The following EXT1 variants were observed in gnomAD, a reference collection of about 807,000 sequenced individuals.
EXT1 encodes the protein exostosin glycosyltransferase 1, also known as exostosin-1.
A neutral mutation model predicts 82.5 loss-of-function variants in EXT1; 20 were observed. The ratio of observed to expected loss-of-function variants is 0.24; its 90% CI spans 0.17 to 0.35. The LOEUF is 0.35. Ranked by LOEUF, EXT1 falls within the 10% of genes least tolerant of loss-of-function variation. EXT1 has a pLI of 1.00. For missense variants in EXT1, 757 were observed against 936.5 expected (o/e 0.81, Z 2.50); for synonymous variants, 348 against 350.8 (o/e 0.99, Z 0.09).
intron 1 of EXT1, among the ~76,000 whole-genome samples, chr8:117,890,583 A>G (rs1405408587): frequency 2.0e-5 from 3 of 152,236 alleles, no homozygotes; most frequent in African/African-American, 7.2e-5. Context: ...TGAGAGTTCA[A>G]TAAAGATGAA....
At chr8:118,109,039 G>A (rs1266973770) in intron 1 of EXT1, among the ~76,000 whole-genome samples, 1 of 152,142 alleles carries the variant, frequency 6.6e-6, no homozygotes, top group African/African-American at 2.4e-5. Flanking sequence ...GTGAGAGTCT[G>A]GGCGGCAACC....
At chr8:118,015,444 A>G (rs1815983350) in intron 1 of EXT1, among the ~76,000 whole-genome samples, 1 of 152,270 alleles carries the variant, frequency 6.6e-6, no homozygotes, top group South Asian at 2.1e-4. Context: ...TCCACGATCT[A>G]AAGTTTCTAA....
chr8:117,848,631 G>C (rs573416891), intron 1 of EXT1, among the ~76,000 whole-genome samples: 1 of 152,266 alleles, frequency 6.6e-6, no homozygotes, highest in East Asian at 1.9e-4. Flanking sequence ...AGCACTCTGA[G>C]CACTGGGACG....
intron 1 of EXT1, among the ~76,000 whole-genome samples, chr8:117,867,260 G>GAAAAAAAAAAAAAAAAAAAAAAA (rs372575361): frequency 1.5e-4 from 15 of 98,894 alleles, no homozygotes; most frequent in African/African-American, 5.7e-4. Context: ...CTCCACCTCA[G>GAAAAAAAAAAAAAAAAAAAAAAA]AAAAAAAAAA....
chr8:117,894,688 C>T (rs1036442135), intron 1 of EXT1, among the ~76,000 whole-genome samples: 1 of 152,134 alleles, frequency 6.6e-6, no homozygotes, highest in Non-Finnish European at 1.5e-5. Flanking sequence ...CACAACCAGG[C>T]CCTGTTTAAA....
At position 117,830,369 on chromosome 8, in the gene EXT1, C is replaced by A. The variant is rs1563573766; in HGVS notation, c.1165-20G>T. ...AGGAATCTGTAACACAAGGTGAACA[C>A]ATAGGAATTATAACTGTAAAACAAA... On this transcript the variant is annotated intron_variant, in intron 3 of 10. Coordinates refer to ENST00000378204, the MANE Select transcript of EXT1 (RefSeq NM_000127.3). 2 of 1,613,246 alleles carry A rather than the reference C, an allele frequency of 1.2e-6. No homozygotes were observed. Among genetic ancestry groups the A allele is most frequent in the South Asian group, 2.2e-5 (2 of 91,036 alleles).
intron 1 of EXT1, among the ~76,000 whole-genome samples, chr8:117,853,316 G>A (rs932280182): frequency 6.6e-6 from 1 of 152,134 alleles, no homozygotes; most frequent in African/African-American, 2.4e-5. Flanking sequence ...AGGCTGAGGA[G>A]GGCAGATCAT....
intron 1 of EXT1, among the ~76,000 whole-genome samples, chr8:118,041,020 G>A (rs1022293787): frequency 6.6e-6 from 1 of 152,030 alleles, no homozygotes; most frequent in African/African-American, 2.4e-5. Flanking sequence ...AATTAGGAGA[G>A]GTTAATACAC....
At chr8:118,052,255 A>C (rs764106512) in intron 1 of EXT1, among the ~76,000 whole-genome samples, 12 of 152,240 alleles carry the variant, frequency 7.9e-5, no homozygotes, top group Non-Finnish European at 1.3e-4. Flanking sequence ...TGAAATGTTT[A>C]GGAAAGACTG....
intron 7 of EXT1, among the ~76,000 whole-genome samples, chr8:117,814,662 C>T (rs956004571): frequency 6.6e-6 from 1 of 152,084 alleles, no homozygotes; most frequent in Non-Finnish European, 1.5e-5. Context: ...TGCTCATCAC[C>T]TTCTTCCAGA....
At position 117,983,970 on chromosome 8, in the gene EXT1, T is replaced by C. The variant is rs545520901; in HGVS notation, c.962+126115A>G. ...AAACTCACAAACCCACTATTTACGA[T>C]GCAACAAATATTGACTGAGCCCCCA... On this transcript the variant is annotated intron_variant, in intron 1 of 10. Transcript: ENST00000378204. Among the ~76,000 whole-genome samples, 18 of 152,230 alleles carry C rather than the reference T, an allele frequency of 1.2e-4. No individual in the cohort carries two copies. In the South Asian group the frequency reaches 1.7e-3, roughly 14 times the overall value.
At chr8:117,869,665 A>C (rs1336710752) in intron 1 of EXT1, among the ~76,000 whole-genome samples, 1 of 152,208 alleles carries the variant, frequency 6.6e-6, no homozygotes, top group African/African-American at 2.4e-5. Flanking sequence ...CAAACGCAAT[A>C]ATCTCTAGCA....
chr8:117,909,819 G>C (rs1357851191), intron 1 of EXT1, among the ~76,000 whole-genome samples: 1 of 152,130 alleles, frequency 6.6e-6, no homozygotes, highest in African/African-American at 2.4e-5. Context: ...CCAGATGGGA[G>C]TACAATGGTG....
At chr8:117,890,868 A>T (rs1813230658) in intron 1 of EXT1, among the ~76,000 whole-genome samples, 1 of 152,278 alleles carries the variant, frequency 6.6e-6, no homozygotes, top group Middle Eastern at 3.4e-3. Context: ...CTACTACAAT[A>T]ACTATCACCG....
chr8:117,908,211 T>C (rs1813577602), intron 1 of EXT1, among the ~76,000 whole-genome samples: 2 of 152,192 alleles, frequency 1.3e-5, no homozygotes, highest in Admixed American at 1.3e-4. Context: ...ATGATATATG[T>C]TCCCTCAAAA....
chr8:118,074,604 T>A (rs1006517375), intron 1 of EXT1, among the ~76,000 whole-genome samples: 1 of 142,048 alleles, frequency 7.0e-6, no homozygotes, highest in Admixed American at 7.0e-5. Flanking sequence ...ACCAGACGGG[T>A]GAGAACATTG....
At chr8:117,852,875 T>C (rs2129835500) in intron 1 of EXT1, among the ~76,000 whole-genome samples, 1 of 152,300 alleles carries the variant, frequency 6.6e-6, no homozygotes. Flanking sequence ...CTGTCTTGCG[T>C]AGGGAGACTG....
At chr8:117,915,748 C>T (rs566734974) in intron 1 of EXT1, among the ~76,000 whole-genome samples, 2 of 152,232 alleles carry the variant, frequency 1.3e-5, no homozygotes, top group South Asian at 2.1e-4. Flanking sequence ...CCCAGCTACT[C>T]AGGAGGCTGA....
rs1812628986 is a variant in EXT1, at chr8:117,858,849, GAAAGAAAGAAAGAAA to G, written c.963-21663_963-21649del. On this transcript the variant is annotated intron_variant, in intron 1 of 10. Transcript: ENST00000378204. ...GGAAGGAAGGAAGGAAGGAAGGAAA[GAAAGAAAGAAAGAAA>G]GAAAGAAAGAAAGAAAGAAAGAAAG... Among the ~76,000 whole-genome samples, 579 of 73,878 alleles carry G rather than the reference GAAAGAAAGAAAGAAA, an allele frequency of 7.8e-3. 6 individuals are homozygous for G. Among genetic ancestry groups the G allele is most frequent in the African/African-American group, 0.015 (243 of 16,206 alleles). The allele number at this position is 73,878 out of a possible 152,430, so 48.5% of individuals were successfully genotyped here. A position where few individuals can be genotyped will look rare whatever the true frequency, so the allele number is the denominator to read the frequency against.
Sources: gnomAD v4.1 joint callset for allele counts (sites outside exome capture counted in the v4.1 genomes callset) on GRCh38, gnomAD v4.1.1 for gene constraint, MANE v1.5 for transcripts, NCBI Gene and HGNC (gene_info 2026-07-23, HGNC 2026-07-21) for gene names.